Variants in ARID3A observed in about 807,000 individuals in gnomAD.
ARID3A encodes AT-rich interaction domain 3A, also known as AT-rich interactive domain-containing protein 3A.
A neutral mutation model predicts 52.7 loss-of-function variants in ARID3A; 11 were observed. That is an observed-to-expected ratio of 0.21 (90% CI 0.13 to 0.35). The LOEUF is 0.35. ARID3A is among the 10% of genes least tolerant of loss of function. The probability of loss-of-function intolerance (pLI) is 1.00; values close to 1 mark genes in which losing one functional copy is unlikely to be tolerated. For missense variants in ARID3A, 721 were observed against 838.5 expected, an observed-to-expected ratio of 0.86 and a Z score of 1.73; for synonymous variants, 404 against 359.4, an observed-to-expected ratio of 1.12 and a Z score of -1.40.
Position 932,721 on chromosome 19 carries a change from T to G in ARID3A, c.672T>G (p.Thr224=). The change falls in exon 3 of 9, where the codon ACT becomes ACG. Residue 224 remains threonine, a synonymous_variant. Transcript: ENST00000263620. ...QLQPPDHGDW[T]YEEQFKQLYE... ...AGCCGCCTGACCACGGCGACTGGAC[T>G]TACGAGGAGCAGTTTAAGCAGGTGA... The G allele has an allele frequency of 6.5e-7, 1 of 1,547,314 alleles. No individual in the cohort carries two copies. Among genetic ancestry groups the G allele is most frequent in the Non-Finnish European group, 8.7e-7 (1 of 1,146,400 alleles).
At chr19:967,811 G>A (rs755993035) in intron 7 of ARID3A, among the ~76,000 whole-genome samples, 8 of 152,160 alleles carry the variant, frequency 5.3e-5, no homozygotes, top group Admixed American at 1.3e-4. Context: ...TTGGGAGGCC[G>A]AGGCGGGCAG....
chr19:964,533 AG>A lies in ARID3A; in HGVS notation c.950+107del. ...AGGGGGTGGTGGGCAGCTGCAGAGG[AG>A]GGGGCAGTGGGCAGCCGCAAAGGGC... On this transcript the variant is annotated intron_variant, in intron 5 of 8. Transcript: ENST00000263620. This position sits in a 1 kb window ranked among gnomAD's most constrained non-coding sequence, Gnocchi z 5.7. 2.1e-6 allele frequency: 3 copies of A among 1,420,606 alleles called. No homozygotes were observed. The highest frequency in any genetic ancestry group is 2.8e-6 in the Non-Finnish European group (3 of 1,065,226). The allele number at this position is 1,420,606 out of a possible 1,614,324, so 88.0% of individuals were successfully genotyped here.
chr19:964,876 C>T lies in ARID3A; in HGVS notation c.994C>T (p.Leu332Phe), dbSNP rs934402938. ...LYPYECEKRG[L>F]SNPNELQAAI... ...CCCCTACGAGTGTGAGAAGCGGGGC[C>T]TCAGTAACCCCAATGAGCTCCAGGC... The change falls in exon 6 of 9, where the codon CTC becomes TTC. Residue 332 changes from leucine to phenylalanine, a missense_variant. Leu to Phe is a conservative substitution (Grantham distance 22, BLOSUM62 0). Coordinates refer to ENST00000263620, the MANE Select transcript of ARID3A (RefSeq NM_005224.3). The surrounding 1 kb of genome is among the most constrained non-coding windows in gnomAD (Gnocchi z 5.7). The T allele has an allele frequency of 6.2e-7, 1 of 1,614,002 alleles. No individual in the cohort carries two copies. Among genetic ancestry groups the T allele is most frequent in the Non-Finnish European group, 8.5e-7 (1 of 1,180,000 alleles).
At position 971,564 on chromosome 19, in the gene ARID3A, A is replaced by G. The variant is rs554995486; in HGVS notation, c.1595-314A>G. On this transcript the variant is annotated intron_variant, in intron 8 of 8. Coordinates refer to ENST00000263620, the MANE Select transcript of ARID3A (RefSeq NM_005224.3). Reference sequence around the variant, plus strand: ...AGGAGGTGGAGGTTGCAGTGAGCCAATATCGCACCACTGCACTCCAGCCTG... The same window carrying G: ...AGGAGGTGGAGGTTGCAGTGAGCCAGTATCGCACCACTGCACTCCAGCCTG... Among the ~76,000 whole-genome samples, 352 of 152,250 alleles carry G rather than the reference A, an allele frequency of 2.3e-3. 3 individuals are homozygous for G. The highest frequency in any genetic ancestry group is 8.0e-3 in the African/African-American group (331 of 41,542).
chr19:931,905 G>A (rs940769659), intron 2 of ARID3A, among the ~76,000 whole-genome samples: 5 of 152,154 alleles, frequency 3.3e-5, no homozygotes, highest in Non-Finnish European at 5.9e-5. Context: ...ATTTCAGATG[G>A]CGGTGGGAGA....
At chr19:934,691 C>T (rs986728271) in intron 3 of ARID3A, among the ~76,000 whole-genome samples, 5 of 151,854 alleles carry the variant, frequency 3.3e-5, no homozygotes, top group East Asian at 3.9e-4. Context: ...TTGCGGGAGA[C>T]GGGATTGGAA....
intron 3 of ARID3A, among the ~76,000 whole-genome samples, chr19:955,677 G>T (rs775713334): frequency 4.6e-5 from 7 of 152,124 alleles, no homozygotes; most frequent in Non-Finnish European, 7.4e-5. Context: ...CAGGAGGTGC[G>T]GTGAGGTTTC....
intron 2 of ARID3A, 43 bp from the exon 3 acceptor site, chr19:932,375 G>T: frequency 6.3e-7 from 1 of 1,579,840 alleles, no homozygotes. Context: ...GCTGGGACGA[G>T]CCAGCACCTT....
chr19:946,150 C>T (rs536703866), intron 3 of ARID3A, among the ~76,000 whole-genome samples: 1 of 152,252 alleles, frequency 6.6e-6, no homozygotes, highest in Admixed American at 6.5e-5. Context: ...GTACAGAACG[C>T]CCCGGCCGCG....
Position 972,113 on chromosome 19 carries a change from G to GT in ARID3A, c.*48_*49insT, listed in dbSNP as rs2038289643. On this transcript the variant is annotated 3_prime_UTR_variant, in exon 9 of 9. Transcript: ENST00000263620. Reference sequence around the variant, plus strand: ...CCCACCCTGGAGCCCGCCGGCCTGGGCAGGGGGTCCAGGTGGGCCACACAG... The same window carrying GT: ...CCCACCCTGGAGCCCGCCGGCCTGGGTCAGGGGGTCCAGGTGGGCCACACAG... 1 of 1,479,722 alleles carries GT rather than the reference G, an allele frequency of 6.8e-7. No individual in the cohort carries two copies. The highest frequency in any genetic ancestry group is 2.8e-5 in the East Asian group (1 of 35,180). 91.7% of individuals were successfully genotyped at this position (1,479,722 alleles called of 1,614,324 possible).
In ARID3A at chr19:941,634, A is replaced by G. The variant is rs1555727455; in HGVS notation, c.693+8892A>G. ...TGTGTGTGCATTTTTTTAACTATAA[A>G]GATGGGGTCTTGCCATCATGTTGCC... On this transcript the variant is annotated intron_variant, in intron 3 of 8. Coordinates refer to ENST00000263620, the MANE Select transcript of ARID3A (RefSeq NM_005224.3). This position sits in a 1 kb window ranked among gnomAD's most constrained non-coding sequence, Gnocchi z 6.9. 6.6e-6 allele frequency among the ~76,000 whole-genome samples: 1 copy of G among 152,048 alleles called. No homozygotes were observed. Among genetic ancestry groups the G allele is most frequent in the Non-Finnish European group, 1.5e-5 (1 of 68,018 alleles).
Position 971,941 on chromosome 19 carries a change from G to T in ARID3A, c.1658G>T (p.Gly553Val), listed in dbSNP as rs772101781. Residue 553 changes from glycine to valine, a missense_variant, in exon 9 of 9, where the codon GGC (glycine) becomes GTC (valine). Physicochemically the swap from Gly to Val is moderately radical, Grantham distance 109. This residue lies in a region of ARID3A where 297 missense variants were observed against 343.2 expected (regional missense o/e 0.87). Coordinates refer to ENST00000263620, the MANE Select transcript of ARID3A (RefSeq NM_005224.3). ...TCTGCTCCCAACAAAGGAGGCGGCGGCGGCGGCGGCAGCAGCAGCAACGCA... is the reference window on the plus strand; with the variant it reads ...TCTGCTCCCAACAAAGGAGGCGGCGTCGGCGGCGGCAGCAGCAGCAACGCA... ...PTSAPNKGGG[G>V]GGGSSSNAGG... 6.2e-7 allele frequency: 1 copy of T among 1,600,078 alleles called. No individual in the cohort carries two copies. The highest frequency in any genetic ancestry group is 2.3e-5 in the East Asian group (1 of 43,326).
At position 944,129 on chromosome 19, in the gene ARID3A, C is replaced by G. The variant is rs1381033388; in HGVS notation, c.693+11387C>G. Among the ~76,000 whole-genome samples the G allele has an allele frequency of 6.6e-6, 1 of 152,014 alleles. No homozygotes were observed. Among genetic ancestry groups the G allele is most frequent in the Non-Finnish European group, 1.5e-5 (1 of 67,960 alleles). On this transcript the variant is annotated intron_variant, in intron 3 of 8. Coordinates refer to ENST00000263620, the MANE Select transcript of ARID3A (RefSeq NM_005224.3). This position sits in a 1 kb window ranked among gnomAD's most constrained non-coding sequence, Gnocchi z 5.9. ...CTGCTGTATGCCAGCCTGACCCTCT[C>G]ATGGGCACTTACGGGGCACCTGCTG...
intron 1 of ARID3A, 132 bp downstream of exon 1, chr19:926,191 C>G (rs1457534828): frequency 6.6e-6 from 1 of 150,572 alleles, no homozygotes; most frequent in South Asian, 2.1e-4. Flanking sequence ...ACGAGCCGCC[C>G]TGCGCGGTAA....
intron 3 of ARID3A, among the ~76,000 whole-genome samples, chr19:948,425 C>T (rs913257914): frequency 1.3e-5 from 2 of 152,178 alleles, no homozygotes; most frequent in African/African-American, 4.8e-5. Flanking sequence ...CCCGGCCTCC[C>T]GGGGCCGCGG....
chr19:946,526 C>T (rs1331025040), intron 3 of ARID3A, among the ~76,000 whole-genome samples: 1 of 150,396 alleles, frequency 6.6e-6, no homozygotes, highest in East Asian at 1.9e-4. Context: ...CTGCAAGCTC[C>T]GCCTCCCGGG....
chr19:973,451 A>G lies in ARID3A; in HGVS notation c.*1386A>G, dbSNP rs2038323536. On this transcript the variant is annotated 3_prime_UTR_variant, in exon 9 of 9. Coordinates refer to ENST00000263620, the MANE Select transcript of ARID3A (RefSeq NM_005224.3). The stretch of plus-strand genomic sequence containing the variant: ...TTATCTAAAAAGTAGCAAGTGCTGG[A>G]AAAAGGGCCTGGGGGGCGGGGGTGG... The G allele has an allele frequency of 4.8e-6, 1 of 207,568 alleles. No individual in the cohort carries two copies. Among genetic ancestry groups the G allele is most frequent in the East Asian group, 7.2e-5 (1 of 13,974 alleles). The allele number at this position is 207,568 out of a possible 1,614,324, so 12.9% of individuals were successfully genotyped here.
Position 973,119 on chromosome 19 carries a change from T to TTTTTTTTTTTTTTTTTTG in ARID3A, c.*1060_*1061insTTTTTTTTTTTGTTTTTT. 7.1e-6 allele frequency: 1 copy of TTTTTTTTTTTTTTTTTTG among 139,884 alleles called. No homozygotes were observed. Among genetic ancestry groups the TTTTTTTTTTTTTTTTTTG allele is most frequent in the Non-Finnish European group, 1.5e-5 (1 of 66,316 alleles). The allele number at this position is 139,884 out of a possible 1,614,324, so 8.7% of individuals were successfully genotyped here. ...GGGCCTGGAAATTTTTTTTTTTTTT[T>TTTTTTTTTTTTTTTTTTG]TTTTTTGAGACGGAGTTTTGCTCTT... On this transcript the variant is annotated 3_prime_UTR_variant, in exon 9 of 9. Coordinates refer to ENST00000263620, the MANE Select transcript of ARID3A (RefSeq NM_005224.3).
chr19:960,064 C>T lies in ARID3A; in HGVS notation c.694-28C>T. On this transcript the variant is annotated intron_variant, in intron 3 of 8. Coordinates refer to ENST00000263620, the MANE Select transcript of ARID3A (RefSeq NM_005224.3). This position sits in a 1 kb window ranked among gnomAD's most constrained non-coding sequence, Gnocchi z 4.3. ...TCCCACACCTGAGCTCTGGCACCAA[C>T]TAACCCATCCCCTCTCCACCCTCAC... The T allele has an allele frequency of 6.2e-7, 1 of 1,602,648 alleles. No individual in the cohort carries two copies. Among genetic ancestry groups the T allele is most frequent in the Non-Finnish European group, 8.5e-7 (1 of 1,171,738 alleles).
Sources: allele counts gnomAD v4.1 joint callset (sites outside exome capture counted in the v4.1 genomes callset), GRCh38; gene constraint gnomAD v4.1.1; regional missense constraint gnomAD v4.1.1; non-coding constraint Gnocchi (gnomAD v3.1); transcripts MANE v1.5; gene names NCBI Gene and HGNC (gene_info 2026-07-23, HGNC 2026-07-21).